The following ZNG1A variants were observed in gnomAD, a reference collection of about 807,000 sequenced individuals.
The protein encoded by ZNG1A is zinc-regulated GTPase metalloprotein activator 1A.
chr9:144,359 T>C, the ZNG1A span, among the ~76,000 whole-genome samples: 941 of 147,766 alleles, frequency 6.4e-3, 11 homozygotes, highest in Non-Finnish European at 7.4e-3. Context: ...TATAGATCCA[T>C]GGAACAGAAC....
the ZNG1A span, among the ~76,000 whole-genome samples, chr9:135,260 C>T: frequency 6.7e-6 from 1 of 150,194 alleles, no homozygotes; most frequent in African/African-American, 2.5e-5. Flanking sequence ...TACATATGCA[C>T]AGAATAAAGA....
the ZNG1A span, chr9:178,677 C>G: frequency 1.1e-6 from 1 of 908,906 alleles, no homozygotes; most frequent in Non-Finnish European, 1.7e-6. Context: ...ATACGAGAAG[C>G]AAGTGACCCA....
At chr9:175,139 G>A in the ZNG1A span, among the ~76,000 whole-genome samples, 3 of 152,168 alleles carry the variant, frequency 2.0e-5, no homozygotes, top group African/African-American at 7.2e-5. Context: ...AGCAACTTTG[G>A]GAGGCCGAGG....
chr9:155,321 G>A, the ZNG1A span, among the ~76,000 whole-genome samples: 1 of 150,618 alleles, frequency 6.6e-6, no homozygotes, highest in Admixed American at 6.6e-5. Context: ...GCATGGTAGA[G>A]CACACCTGTA....
the ZNG1A span, chr9:177,933 A>G: frequency 1.4e-6 from 2 of 1,434,996 alleles, no homozygotes; most frequent in Non-Finnish European, 1.9e-6. Context: ...GTTATTTCTT[A>G]TTTTTACATA....
At chr9:156,540 A>C in the ZNG1A span, 1 of 1,595,834 alleles carries the variant, frequency 6.3e-7, no homozygotes, top group South Asian at 1.1e-5. Flanking sequence ...AAACAAAAAA[A>C]AGTTGGAATA....
At chr9:121,207 GT>G in the ZNG1A span, 1 of 473,012 alleles carries the variant, frequency 2.1e-6, no homozygotes, top group Non-Finnish European at 3.8e-6. Context: ...TTCATGTTCA[GT>G]ATATGTAAAC....
chr9:163,568 A>G, the ZNG1A span, among the ~76,000 whole-genome samples: 1 of 152,204 alleles, frequency 6.6e-6, no homozygotes, highest in South Asian at 2.1e-4. Flanking sequence ...GCAAGGAATT[A>G]AAGTTATAAT....
At chr9:167,641 A>G in the ZNG1A span, 1 of 150,246 alleles carries the variant, frequency 6.7e-6, no homozygotes, top group African/African-American at 2.5e-5. Context: ...ACATAGAACT[A>G]AAAGAATTAT....
the ZNG1A span, among the ~76,000 whole-genome samples, chr9:140,094 T>C: frequency 5.1e-4 from 76 of 150,272 alleles, 4 homozygotes; most frequent in East Asian, 1.2e-3. Context: ...GGAGGGGCGC[T>C]GGCCATTGCC....
At chr9:148,592 AAAG>A in the ZNG1A span, 1 of 125,840 alleles carries the variant, frequency 7.9e-6, no homozygotes, top group African/African-American at 3.0e-5. Flanking sequence ...AAAAAAAAAA[AAAG>A]AAAAAAAAGA....
the ZNG1A span, among the ~76,000 whole-genome samples, chr9:160,548 T>G: frequency 1.3e-5 from 2 of 151,422 alleles, no homozygotes; most frequent in Non-Finnish European, 3.0e-5. Context: ...TTTATCAAGG[T>G]AGCAGGAGGT....
the ZNG1A span, among the ~76,000 whole-genome samples, chr9:152,739 C>A: frequency 6.7e-6 from 1 of 149,774 alleles, no homozygotes; most frequent in Admixed American, 6.7e-5. Context: ...TTTATCTTTT[C>A]CATTGCCTAT....
the ZNG1A span, chr9:164,180 A>C: frequency 9.8e-7 from 1 of 1,023,982 alleles, no homozygotes; most frequent in Non-Finnish European, 1.4e-6. Flanking sequence ...AGAAGCTTTA[A>C]CTATTTATAG....
the ZNG1A span, among the ~76,000 whole-genome samples, chr9:144,863 A>C: frequency 1.3e-5 from 2 of 150,800 alleles, no homozygotes; most frequent in African/African-American, 4.9e-5. Context: ...AAAAACAAAC[A>C]ACCCCATCAA....
At chr9:145,577 T>C in the ZNG1A span, among the ~76,000 whole-genome samples, 4 of 144,492 alleles carry the variant, frequency 2.8e-5, no homozygotes, top group East Asian at 2.1e-4. Context: ...AGGGATAGCA[T>C]TGGGAGATAT....
the ZNG1A span, among the ~76,000 whole-genome samples, chr9:143,388 A>G: frequency 1.4e-5 from 2 of 143,124 alleles, no homozygotes; most frequent in Admixed American, 7.1e-5. Context: ...GGCTGGTTCA[A>G]TATATGCAAA....
the ZNG1A span, chr9:173,051 T>TA: frequency 2.7e-6 from 1 of 365,210 alleles, no homozygotes; most frequent in African/African-American, 3.5e-5. Flanking sequence ...TCAAAAGCAA[T>TA]AAAAACTCAA....
chr9:173,904 T>C, the ZNG1A span, among the ~76,000 whole-genome samples: 31 of 152,242 alleles, frequency 2.0e-4, no homozygotes, highest in East Asian at 1.7e-3. Flanking sequence ...ATTAAACTTA[T>C]AGGGAGGCCA....
Sources: gnomAD v4.1 joint callset for allele counts (sites outside exome capture counted in the v4.1 genomes callset) on GRCh38, gnomAD v4.1.1 for gene constraint, MANE v1.5 for transcripts, NCBI Gene and HGNC (gene_info 2026-07-23, HGNC 2026-07-21) for gene names.